Variants in ACSM3 observed in about 807,000 individuals in gnomAD.
ACSM3 encodes the protein acyl-coenzyme A synthetase ACSM3, mitochondrial.
ACSM3 carries 61 observed loss-of-function variants against 74.1 expected under a neutral mutation model. The observed-to-expected ratio is 0.82, with a 90% confidence interval of 0.67 to 1.02. ACSM3 has a LOEUF of 1.02. Ranked by LOEUF, ACSM3 falls within the 50% of genes least tolerant of loss-of-function variation. The pLI, the probability that ACSM3 is intolerant of heterozygous loss-of-function variation, is 0.00. For synonymous variants in ACSM3, 213 were observed against 241.5 expected (o/e 0.88, Z 1.09); for missense variants, 660 against 697.0 (o/e 0.95, Z 0.60).
chr16:20,682,658 A>G (rs2079471503), intron 1 of ACSM3, among the ~76,000 whole-genome samples: 1 of 152,196 alleles, frequency 6.6e-6, no homozygotes, highest in East Asian at 1.9e-4. Flanking sequence ...TCTGCATCTT[A>G]ACAAGTTTTC....
In ACSM3 at chr16:20,725,666, T is replaced by C. The variant is rs964069123; in HGVS notation, c.-189-24244T>C. Among the ~76,000 whole-genome samples the C allele has an allele frequency of 7.2e-5, 11 of 152,180 alleles. No individual in the cohort carries two copies. The East Asian group carries it at 1.7e-3, about 24-fold the overall frequency. On this transcript the variant is annotated intron_variant, in intron 1 of 3. Coordinates refer to the ACSM3 transcript ENST00000561584. ...TGCCAGTAGCACCTCCTCCCCACCA[T>C]CTGCGACAATCAAAAATGTCCCTAG...
chr16:20,759,437 G>C (rs2152442222), upstream of ACSM3, among the ~76,000 whole-genome samples: 1 of 151,890 alleles, frequency 6.6e-6, no homozygotes, highest in East Asian at 1.9e-4. Context: ...GTGGGCACCT[G>C]TAGTCCCAGC....
At chr16:20,695,620 C>A (rs915067970) in intron 1 of ACSM3, among the ~76,000 whole-genome samples, 7 of 151,872 alleles carry the variant, frequency 4.6e-5, no homozygotes, top group Non-Finnish European at 8.8e-5. Context: ...TATCTATTAC[C>A]TATCTATTAT....
chr16:20,691,153 G>A, intron 1 of ACSM3: 1 of 1,610,736 alleles, frequency 6.2e-7, no homozygotes, highest in Non-Finnish European at 8.5e-7. Flanking sequence ...ATTTGTGGAT[G>A]CCCCAGAGGG....
At chr16:20,724,394 C>T (rs1166676244) in intron 1 of ACSM3, among the ~76,000 whole-genome samples, 1 of 152,116 alleles carries the variant, frequency 6.6e-6, no homozygotes, top group African/African-American at 2.4e-5. Flanking sequence ...ATAATAAGAG[C>T]TATCTATGAC....
intron 4 of ACSM3, 52 bp downstream of exon 4, chr16:20,777,632 TA>T: frequency 2.0e-6 from 3 of 1,480,924 alleles, no homozygotes; most frequent in Non-Finnish European, 2.8e-6. Context: ...AAGGCAACAA[TA>T]AAAAGATATT....
In ACSM3 at chr16:20,705,093, C is replaced by T. The variant is rs2079723096; in HGVS notation, c.-190+30271C>T. Reference sequence around the variant, plus strand: ...CAAAATATAAATAACAACTTCAGGGCCAGGTGCGGTGGCTCACGCCTGTAA... The same window carrying T: ...CAAAATATAAATAACAACTTCAGGGTCAGGTGCGGTGGCTCACGCCTGTAA... On this transcript the variant is annotated intron_variant, in intron 1 of 3. Transcript: ENST00000561584. Among the ~76,000 whole-genome samples, 4 of 152,164 alleles carry T rather than the reference C, an allele frequency of 2.6e-5. No individual in the cohort carries two copies. In the South Asian group the frequency reaches 8.3e-4, roughly 32 times the overall value.
At chr16:20,772,259 C>T (rs1462604250) in intron 2 of ACSM3, among the ~76,000 whole-genome samples, 8 of 151,996 alleles carry the variant, frequency 5.3e-5, no homozygotes, top group Non-Finnish European at 1.2e-4. Context: ...TGTATAGTCC[C>T]ATTTGTCTGT....
intron 1 of ACSM3, among the ~76,000 whole-genome samples, chr16:20,708,393 C>T (rs979975996): frequency 1.3e-5 from 2 of 152,168 alleles, no homozygotes; most frequent in African/African-American, 4.8e-5. Context: ...CTTATAAGAT[C>T]CTGTCATCTG....
At chr16:20,743,313 T>C (rs1486623039) in intron 1 of ACSM3, among the ~76,000 whole-genome samples, 1 of 152,180 alleles carries the variant, frequency 6.6e-6, no homozygotes, top group Non-Finnish European at 1.5e-5. Flanking sequence ...GTAAATTCCA[T>C]TTCAGCCTCA....
chr16:20,701,606 T>C (rs796183911), intron 1 of ACSM3, among the ~76,000 whole-genome samples: 7 of 152,306 alleles, frequency 4.6e-5, no homozygotes, highest in African/African-American at 1.7e-4. Context: ...ACATGTGCCA[T>C]GGTGGTTTGC....
intron 1 of ACSM3, among the ~76,000 whole-genome samples, chr16:20,708,347 C>A (rs992595737): frequency 1.3e-5 from 2 of 152,126 alleles, no homozygotes; most frequent in African/African-American, 4.8e-5. Flanking sequence ...TGGCAGTGCA[C>A]AATTATTTTT....
chr16:20,767,122 A>C, intron 1 of ACSM3, among the ~76,000 whole-genome samples: 1 of 152,126 alleles, frequency 6.6e-6, no homozygotes, highest in South Asian at 2.1e-4. Context: ...GAGAGAGACA[A>C]GTAGTGTTGA....
intron 1 of ACSM3, chr16:20,690,998 T>A: frequency 6.2e-7 from 1 of 1,608,582 alleles, no homozygotes; most frequent in Non-Finnish European, 8.5e-7. Context: ...ATCTCTTACC[T>A]TCTCCTTTTG....
intron 1 of ACSM3, among the ~76,000 whole-genome samples, chr16:20,769,592 G>A (rs955997429): frequency 2.0e-5 from 3 of 152,234 alleles, no homozygotes; most frequent in African/African-American, 7.2e-5. Flanking sequence ...TATTAGACAA[G>A]AAGCCTTAGC....
intron 1 of ACSM3, chr16:20,736,589 TA>T (rs1287772278): frequency 8.9e-6 from 3 of 335,964 alleles, no homozygotes; most frequent in Admixed American, 4.4e-5. Flanking sequence ...TTCACTCCCT[TA>T]AGTCAGCTGG....
chr16:20,753,531 T>C (rs1485244460), intron 2 of ACSM3, among the ~76,000 whole-genome samples: 1 of 151,866 alleles, frequency 6.6e-6, no homozygotes, highest in Non-Finnish European at 1.5e-5. Flanking sequence ...TAGAGGATTA[T>C]TATGGCTTTT....
Position 20,797,199 on chromosome 16 carries a change from A to C in ACSM3, c.*227A>C. 1 of 1,248,142 alleles carries C rather than the reference A, an allele frequency of 8.0e-7. No homozygotes were observed. The highest frequency in any genetic ancestry group is 1.0e-6 in the Non-Finnish European group (1 of 995,516). 77.3% of individuals were successfully genotyped at this position (1,248,142 alleles called of 1,614,324 possible). ...CCTATCATTTCTTAATATAAAAATA[A>C]TACCATCAATTGCTGATTAATTTTT... On this transcript the variant is annotated 3_prime_UTR_variant, in exon 14 of 14. Transcript: ENST00000289416.
intron 1 of ACSM3, among the ~76,000 whole-genome samples, chr16:20,730,531 C>T (rs563787868): frequency 1.3e-5 from 2 of 152,296 alleles, no homozygotes; most frequent in South Asian, 4.1e-4. Flanking sequence ...CACATCTGTA[C>T]CTCCCTCTCA....
Sources: gnomAD v4.1 joint callset for allele counts (sites outside exome capture counted in the v4.1 genomes callset) on GRCh38, gnomAD v4.1.1 for gene constraint, MANE v1.5 for transcripts, NCBI Gene and HGNC (gene_info 2026-07-23, HGNC 2026-07-21) for gene names.